The following HEATR5B variants were observed in gnomAD, a reference collection of about 807,000 sequenced individuals.
The protein encoded by HEATR5B is HEAT repeat-containing protein 5B.
A neutral mutation model predicts 224.1 loss-of-function variants in HEATR5B; 156 were observed. That is an observed-to-expected ratio of 0.70 (90% confidence interval 0.61 to 0.80). The LOEUF is 0.80. Among genes scored for constraint, HEATR5B ranks in the 30% least tolerant of loss-of-function variants. The pLI, the probability that HEATR5B is intolerant of heterozygous loss-of-function variation, is 0.00. For synonymous variants in HEATR5B, 1,027 were observed against 893.0 expected, an observed-to-expected ratio of 1.15 and a Z score of -2.68; for missense variants, 2,323 against 2,535.5, an observed-to-expected ratio of 0.92 and a Z score of 1.80.
chr2:37,010,582 C>G (rs1274251637), intron 27 of HEATR5B, among the ~76,000 whole-genome samples: 1 of 151,438 alleles, frequency 6.6e-6, no homozygotes, highest in Non-Finnish European at 1.5e-5. Flanking sequence ...GGTGCGATCA[C>G]AGCTCACTGC....
In HEATR5B at chr2:36,981,546, G is replaced by C; in HGVS notation, c.6160C>G (p.Pro2054Ala). The C allele has an allele frequency of 6.2e-7, 1 of 1,614,076 alleles. No homozygotes were observed. The highest frequency in any genetic ancestry group is 8.5e-7 in the Non-Finnish European group (1 of 1,179,958). The change falls in exon 36 of 36, where the codon CCA (proline) becomes GCA (alanine). Residue 2054 changes from proline (P) to alanine (A), a missense_variant. Transcript: ENST00000233099. Reference sequence around the variant, plus strand: ...GGTGCAGAATGTATGGCGGGGGCTGGTTGTCTGGCAGCCGCTTTAGCTTTG... The same window carrying C: ...GGTGCAGAATGTATGGCGGGGGCTGCTTGTCTGGCAGCCGCTTTAGCTTTG... Reference protein sequence around the residue: ...ASKAKAAARQPAPAIHSAPTI... With the variant: ...ASKAKAAARQAAPAIHSAPTI...
intron 26 of HEATR5B, among the ~76,000 whole-genome samples, chr2:37,015,706 T>C (rs931192962): frequency 1.3e-5 from 2 of 152,178 alleles, no homozygotes; most frequent in African/African-American, 4.8e-5. Context: ...GATTTTAATT[T>C]TGAACATTTT....
chr2:37,052,456 C>A (rs990594641), intron 17 of HEATR5B, among the ~76,000 whole-genome samples: 4 of 152,180 alleles, frequency 2.6e-5, no homozygotes, highest in Non-Finnish European at 2.9e-5. Context: ...TTGTAATTTG[C>A]GATGGGACAG....
intron 6 of HEATR5B, among the ~76,000 whole-genome samples, chr2:37,071,527 A>T (rs1215112081): frequency 6.6e-6 from 1 of 152,220 alleles, no homozygotes; most frequent in Non-Finnish European, 1.5e-5. Context: ...GAAAATAAGT[A>T]GCAAATAAAG....
chr2:37,024,893 C>A (rs962956761), intron 24 of HEATR5B, among the ~76,000 whole-genome samples: 3 of 152,270 alleles, frequency 2.0e-5, no homozygotes, highest in Middle Eastern at 3.4e-3. Flanking sequence ...TTCCTCAAAG[C>A]AAGACCTCCG....
intron 16 of HEATR5B, chr2:37,055,162 C>CT: frequency 3.0e-6 from 1 of 338,308 alleles, no homozygotes; most frequent in East Asian, 1.0e-4. Flanking sequence ...TCACTTCTTG[C>CT]TTTTTACCTT....
chr2:37,058,616 A>T (rs1184098660), intron 13 of HEATR5B, 56 bp from the exon 14 acceptor site: 1 of 1,238,906 alleles, frequency 8.1e-7, no homozygotes, highest in African/African-American at 1.5e-5. Context: ...ATTACTTATA[A>T]ATTTTTTTAG....
At position 37,076,977 on chromosome 2, in the gene HEATR5B, C is replaced by T; in HGVS notation, c.381G>A (p.Gly127=). ...CTGGAAATGCGCTGCCCAACATTCTCCCCATTTTTTCATAAAATGCTCCGA... is the reference window on the plus strand; with the variant it reads ...CTGGAAATGCGCTGCCCAACATTCTTCCCATTTTTTCATAAAATGCTCCGA... ...ACVGAFYEKM[G]RMLGSAFPET... is the part of the protein sequence containing the mutation. The change falls in exon 4 of 36, where the codon GGG becomes GGA. Residue 127 remains glycine, a synonymous_variant. Coordinates refer to ENST00000233099, the MANE Select transcript of HEATR5B (RefSeq NM_019024.3). The T allele has an allele frequency of 6.2e-7, 1 of 1,614,140 alleles. No homozygotes were observed. The highest frequency in any genetic ancestry group is 1.1e-5 in the South Asian group (1 of 91,078).
intron 16 of HEATR5B, 75 bp from the exon 17 acceptor site, chr2:37,053,682 G>A: frequency 1.3e-6 from 1 of 773,678 alleles, no homozygotes; most frequent in Non-Finnish European, 2.1e-6. Context: ...GATAAGAAGA[G>A]TACAAGTTAA....
In HEATR5B at chr2:37,002,832, CAT is replaced by C. The variant is rs544055534; in HGVS notation, c.5051-262_5051-261del. Among the ~76,000 whole-genome samples, 50 of 152,260 alleles carry C rather than the reference CAT, an allele frequency of 3.3e-4. 1 individual carries two copies. Among genetic ancestry groups the C allele is most frequent in the South Asian group, 1.0e-3 (5 of 4,824 alleles). ...TATATATTTTGTAATAGGAATAACA[CAT>C]GTTAGGTTGAACCAGATGAAATTGA... On this transcript the variant is annotated intron_variant, in intron 31 of 35. Transcript: ENST00000233099.
chr2:36,981,575 G>A lies in HEATR5B; in HGVS notation c.6131C>T (p.Ala2044Val), dbSNP rs199759796. The change falls in exon 36 of 36, where the codon GCG becomes GTG. Residue 2044 changes from alanine to valine, a missense_variant. Physicochemically the swap from Ala to Val is moderately conservative, Grantham distance 64 (BLOSUM62 0). This residue lies in a region of HEATR5B where 844 missense variants were observed against 812.9 expected (regional missense o/e 1.04). Transcript: ENST00000233099. ...RLETAVRASQ[A>V]SKAKAAARQP... ...TCTGGCAGCCGCTTTAGCTTTGCTC[G>A]CTTGGCTTGCTCGAACGGCAGTTTC... is the stretch of plus-strand genomic sequence containing the variant. 13 of 1,614,190 alleles carry A rather than the reference G, an allele frequency of 8.1e-6. No individual in the cohort carries two copies. The East Asian group carries it at 1.1e-4, about 14-fold the overall frequency.
chr2:37,048,097 T>G (rs1469431812), intron 18 of HEATR5B, among the ~76,000 whole-genome samples: 1 of 151,708 alleles, frequency 6.6e-6, no homozygotes. Flanking sequence ...TGCAAACAAC[T>G]AAATTGGACA....
intron 26 of HEATR5B, among the ~76,000 whole-genome samples, chr2:37,016,367 T>A (rs1331090930): frequency 6.6e-6 from 1 of 152,184 alleles, no homozygotes; most frequent in East Asian, 1.9e-4. Context: ...TGCCTCAGCC[T>A]CCCAAAGTGC....
chr2:37,016,568 C>T (rs1668132409), intron 26 of HEATR5B, among the ~76,000 whole-genome samples: 1 of 152,132 alleles, frequency 6.6e-6, no homozygotes, highest in African/African-American at 2.4e-5. Flanking sequence ...GATGTATCTG[C>T]AACAAAATGT....
chr2:37,012,134 G>A (rs1048982153), intron 27 of HEATR5B, among the ~76,000 whole-genome samples: 13 of 152,120 alleles, frequency 8.5e-5, no homozygotes, highest in Admixed American at 2.6e-4. Context: ...CTACTACTCA[G>A]ATACAATGCT....
At chr2:37,001,530 G>A (rs1172069897) in intron 32 of HEATR5B, among the ~76,000 whole-genome samples, 1 of 151,860 alleles carries the variant, frequency 6.6e-6, no homozygotes, top group Non-Finnish European at 1.5e-5. Flanking sequence ...GATCAGGAAT[G>A]TCTAATCTTT....
At chr2:37,040,656 ATGTTTTCAT>A in intron 19 of HEATR5B, 138 bp from the exon 20 acceptor site, 1 of 600,366 alleles carries the variant, frequency 1.7e-6, no homozygotes, top group Non-Finnish European at 2.9e-6. Context: ...AGATTGTAGG[ATGTTTTCAT>A]ACACATTCTT....
chr2:37,041,002 G>A, intron 19 of HEATR5B, 131 bp downstream of exon 19: 1 of 670,580 alleles, frequency 1.5e-6, no homozygotes, highest in Non-Finnish European at 2.5e-6. Context: ...ATCTTGCTAT[G>A]TACTATTACA....
rs145209464 is a variant in HEATR5B, at chr2:37,083,367, T to C, written c.48A>G (p.Gln16=). ...SLLLNEEALA[Q]ITEAKRPVFI... ...AAACTGGTCTTTTTGCTTCGGTGATTTGAGCCAAAGCTTCTTCATTTAGCA... is the reference window on the plus strand; with the variant it reads ...AAACTGGTCTTTTTGCTTCGGTGATCTGAGCCAAAGCTTCTTCATTTAGCA... The change falls in exon 2 of 36, where the codon CAA becomes CAG. Residue 16 remains glutamine, a synonymous_variant. Coordinates refer to ENST00000233099, the MANE Select transcript of HEATR5B (RefSeq NM_019024.3). 2.0e-4 allele frequency: 328 copies of C among 1,613,862 alleles called. 2 individuals are homozygous for C. In the African/African-American group the frequency reaches 2.8e-3, roughly 14 times the overall value.
Sources: allele counts gnomAD v4.1 joint callset (sites outside exome capture counted in the v4.1 genomes callset), GRCh38; gene constraint gnomAD v4.1.1; regional missense constraint gnomAD v4.1.1; transcripts MANE v1.5; gene names NCBI Gene and HGNC (gene_info 2026-07-23, HGNC 2026-07-21).